COL4A1: variants seen among roughly 807,000 people sequenced by gnomAD.
COL4A1 encodes collagen alpha-1(IV) chain.
Under a neutral mutation model 216.6 loss-of-function variants are expected in COL4A1, and 40 were observed. The ratio of observed to expected loss-of-function variants is 0.18; its 90% CI spans 0.14 to 0.24. COL4A1 has a LOEUF of 0.24. COL4A1 is among the 10% of genes least tolerant of loss of function. The pLI, the probability that COL4A1 is intolerant of heterozygous loss-of-function variation, is 1.00. For synonymous variants in COL4A1, 839 were observed against 810.7 expected (o/e 1.03, Z -0.59); for missense variants, 1,628 against 2,196.8 (o/e 0.74, Z 5.18).
chr13:110,296,717 G>T (rs1254978061), intron 1 of COL4A1, among the ~76,000 whole-genome samples: 1 of 152,178 alleles, frequency 6.6e-6, no homozygotes, highest in Non-Finnish European at 1.5e-5. Context: ...AGTCCCACAA[G>T]ATTGCCCCAC....
At chr13:110,229,988 C>T (rs1880943783) in intron 2 of COL4A1, among the ~76,000 whole-genome samples, 1 of 152,208 alleles carries the variant, frequency 6.6e-6, no homozygotes, top group Admixed American at 6.5e-5. Context: ...CCCACCAGCT[C>T]TCCTGTCCCC....
intron 1 of COL4A1, among the ~76,000 whole-genome samples, chr13:110,253,657 ATAAT>A (rs918018259): frequency 2.1e-5 from 3 of 145,438 alleles, no homozygotes; most frequent in African/African-American, 7.5e-5. Flanking sequence ...ACATATACGT[ATAAT>A]TATATGTGTA....
At chr13:110,173,873 G>A in intron 40 of COL4A1, 27 bp downstream of exon 40, 2 of 1,613,550 alleles carry the variant, frequency 1.2e-6, no homozygotes, top group Non-Finnish European at 1.7e-6. Context: ...TGCTGATTCT[G>A]ATAGGGAATG....
chr13:110,228,454 C>A (rs942551801), intron 2 of COL4A1, among the ~76,000 whole-genome samples: 8 of 152,188 alleles, frequency 5.3e-5, no homozygotes, highest in Non-Finnish European at 1.0e-4. Flanking sequence ...GCGGCTCCTG[C>A]GCCCCCTCCA....
At chr13:110,282,215 A>G (rs1883660158) in intron 1 of COL4A1, among the ~76,000 whole-genome samples, 1 of 152,184 alleles carries the variant, frequency 6.6e-6, no homozygotes, top group Admixed American at 6.5e-5. Context: ...GACAGACCTG[A>G]GTTTGAATAC....
Position 110,152,431 on chromosome 13 carries a change from C to T in COL4A1, c.4831G>A (p.Ala1611Thr). ...PGSCLEEFRS[A>T]PFIECHGRGT... Reference sequence around the variant, plus strand: ...CGGCCGTGACACTCGATGAATGGCGCACTTCTAAACTCCTCCAGGCAGGAG... The same window carrying T: ...CGGCCGTGACACTCGATGAATGGCGTACTTCTAAACTCCTCCAGGCAGGAG... Residue 1611 changes from alanine to threonine, a missense_variant, in exon 51 of 52, where the codon GCG (alanine) becomes ACG (threonine). This residue lies in a region of COL4A1 where 254 missense variants were observed against 300.1 expected (regional missense o/e 0.85). Transcript: ENST00000375820. 1 of 1,614,186 alleles carries T rather than the reference C, an allele frequency of 6.2e-7. No homozygotes were observed. The highest frequency in any genetic ancestry group is 1.3e-5 in the African/African-American group (1 of 75,058).
intron 2 of COL4A1, among the ~76,000 whole-genome samples, chr13:110,241,149 C>T (rs1202912775): frequency 6.6e-6 from 1 of 152,184 alleles, no homozygotes; most frequent in Non-Finnish European, 1.5e-5. Flanking sequence ...GGATTACAGG[C>T]GTGACCCACC....
chr13:110,270,000 T>C (rs111950498), intron 1 of COL4A1, among the ~76,000 whole-genome samples: 2 of 152,046 alleles, frequency 1.3e-5, no homozygotes, highest in African/African-American at 4.8e-5. Context: ...CCAGATCTGG[T>C]AACGGACTAG....
chr13:110,285,777 G>T (rs139412697), intron 1 of COL4A1, among the ~76,000 whole-genome samples: 1 of 152,136 alleles, frequency 6.6e-6, no homozygotes, highest in Admixed American at 6.5e-5. Flanking sequence ...CCATACCATC[G>T]CTTTCCCAGT....
In COL4A1 at chr13:110,306,957, C is replaced by G. The variant is rs773669081; in HGVS notation, c.71G>C (p.Arg24Pro). 52 of 1,474,686 alleles carry G rather than the reference C, an allele frequency of 3.5e-5. No homozygotes were observed. Among genetic ancestry groups the G allele is most frequent in the Non-Finnish European group, 4.5e-5 (50 of 1,118,046 alleles). 91.4% of individuals were successfully genotyped at this position (1,474,686 alleles called of 1,614,324 possible). ...AALLLHEEHS[R>P]AAAKGGCAGS... is the part of the protein sequence containing the mutation. ...CCGGGAACTCACCTTCGCAGCGGCC[C>G]GGCTGTGCTCCTCGTGGAGCAGAAG... Residue 24 changes from arginine (R) to proline (P), a missense_variant, in exon 1 of 52, where the codon CGG becomes CCG. Arg to Pro is a moderately radical substitution (Grantham distance 103). Around this residue, in one of 8 missense-constraint regions of COL4A1, gnomAD observed 74 missense variants for 61.7 expected, o/e 1.20. Transcript: ENST00000375820.
At position 110,219,660 on chromosome 13, in the gene COL4A1, A is replaced by ACG. The variant is rs1555307832; in HGVS notation, c.145-5646_145-5645insCG. 7.3e-3 allele frequency among the ~76,000 whole-genome samples: 868 copies of ACG among 119,236 alleles called. 24 individuals are homozygous for ACG. Among genetic ancestry groups the ACG allele is most frequent in the African/African-American group, 0.023 (778 of 33,726 alleles). 78.2% of individuals were successfully genotyped at this position (119,236 alleles called of 152,430 possible). On this transcript the variant is annotated intron_variant, in intron 2 of 51. Coordinates refer to ENST00000375820, the MANE Select transcript of COL4A1 (RefSeq NM_001845.6). ...TTGTAAGTTGAAAATATATATATAT[A>ACG]TGTATATATATATATATGTGTATAT...
chr13:110,205,531 G>T lies in COL4A1; in HGVS notation c.866C>A (p.Pro289His). 3 of 1,609,698 alleles carry T rather than the reference G, an allele frequency of 1.9e-6. No homozygotes were observed. The highest frequency in any genetic ancestry group is 2.5e-6 in the Non-Finnish European group (3 of 1,179,792). Reference sequence around the variant, plus strand: ...TTCCCCTTTGTCACCATCTTTTCCGGGTTTGCCCTGTAGAATAAAGATGTA... The same window carrying T: ...TTCCCCTTTGTCACCATCTTTTCCGTGTTTGCCCTGTAGAATAAAGATGTA... ...EPGKPGPRGK[P>H]GKDGDKGEKG... Residue 289 changes from proline to histidine, a missense_variant, in exon 16 of 52, where the codon CCC (proline) becomes CAC (histidine). Physicochemically the swap from Pro to His is moderately conservative, Grantham distance 77. Transcript: ENST00000375820.
Position 110,170,229 on chromosome 13 carries a change from C to T in COL4A1, c.3742+318G>A, listed in dbSNP as rs556728658. 8.5e-5 allele frequency among the ~76,000 whole-genome samples: 13 copies of T among 152,254 alleles called. No individual in the cohort carries two copies. The East Asian group carries it at 1.9e-3, about 23-fold the overall frequency. On this transcript the variant is annotated intron_variant, in intron 42 of 51. Coordinates refer to ENST00000375820, the MANE Select transcript of COL4A1 (RefSeq NM_001845.6). ...TGCCCGGGCATCTGTGCTACCACTA[C>T]GGGGGTCTTCACCAGAACCCACAAG...
chr13:110,281,440 T>C (rs1319086144), intron 1 of COL4A1, among the ~76,000 whole-genome samples: 1 of 152,024 alleles, frequency 6.6e-6, no homozygotes, highest in Non-Finnish European at 1.5e-5. Flanking sequence ...AGATGTGCCA[T>C]AAGCCAAAAA....
chr13:110,270,377 T>C (rs906985938), intron 1 of COL4A1, among the ~76,000 whole-genome samples: 3 of 152,182 alleles, frequency 2.0e-5, no homozygotes, highest in African/African-American at 7.2e-5. Flanking sequence ...ATTCAAATGA[T>C]CAAAACAATG....
At chr13:110,274,181 G>GTATGAA (rs1883352227) in intron 1 of COL4A1, among the ~76,000 whole-genome samples, 1 of 152,190 alleles carries the variant, frequency 6.6e-6, no homozygotes, top group African/African-American at 2.4e-5. Flanking sequence ...GACAGCAGTG[G>GTATGAA]TATGAATAAT....
intron 42 of COL4A1, 139 bp from the exon 43 acceptor site, chr13:110,169,901 A>G (rs1220582224): frequency 1.1e-6 from 1 of 887,936 alleles, no homozygotes; most frequent in Non-Finnish European, 1.6e-6. Context: ...TGAGACAGAA[A>G]TCGAGGCAGG....
At position 110,194,960 on chromosome 13, in the gene COL4A1, T is replaced by C. The variant is rs1878819696; in HGVS notation, c.1381+63A>G. The C allele has an allele frequency of 4.8e-6, 7 of 1,451,360 alleles. No individual in the cohort carries two copies. In the South Asian group the frequency reaches 5.8e-5, roughly 12 times the overall value. The allele number at this position is 1,451,360 out of a possible 1,614,324, so 89.9% of individuals were successfully genotyped here. A position where few individuals can be genotyped will look rare whatever the true frequency, so the allele number is the denominator to read the frequency against. ...CCCACTTGGCTCCAAAGCCGGTAAG[T>C]ATGTGGGAAAAAATCATACGCAAAG... On this transcript the variant is annotated intron_variant, in intron 22 of 51. Transcript: ENST00000375820.
At chr13:110,181,759 A>G (rs1878168944) in intron 28 of COL4A1, among the ~76,000 whole-genome samples, 1 of 151,942 alleles carries the variant, frequency 6.6e-6, no homozygotes, top group African/African-American at 2.4e-5. Flanking sequence ...GCAGGTCACC[A>G]CCATCACTTC....
Sources: gnomAD v4.1 joint callset for allele counts (sites outside exome capture counted in the v4.1 genomes callset) on GRCh38, gnomAD v4.1.1 for gene constraint, gnomAD v4.1.1 regional missense constraint, MANE v1.5 for transcripts, NCBI Gene and HGNC (gene_info 2026-07-23, HGNC 2026-07-21) for gene names.